The following UACA variants were observed in gnomAD, a reference collection of about 807,000 sequenced individuals.
UACA encodes the protein nuclear membrane binding protein.
A neutral mutation model predicts 160.5 loss-of-function variants in UACA; 112 were observed. That is an observed-to-expected ratio of 0.70 (90% CI 0.60 to 0.82). The LOEUF is 0.82. Ranked by LOEUF, UACA falls within the 40% of genes least tolerant of loss-of-function variation. The pLI, the probability that UACA is intolerant of heterozygous loss-of-function variation, is 0.00. For synonymous variants in UACA, 557 were observed against 568.4 expected, an observed-to-expected ratio of 0.98 and a Z score of 0.29; for missense variants, 1,574 against 1,614.6, an observed-to-expected ratio of 0.97 and a Z score of 0.43.
chr15:70,728,686 G>A (rs1899224764), intron 1 of UACA, among the ~76,000 whole-genome samples: 1 of 151,516 alleles, frequency 6.6e-6, no homozygotes. Flanking sequence ...AGCGAAAATT[G>A]AAAAGTGGGA....
intron 18 of UACA, among the ~76,000 whole-genome samples, chr15:70,657,582 G>A (rs201848786): frequency 2.6e-5 from 4 of 150,988 alleles, no homozygotes; most frequent in Non-Finnish European, 5.9e-5. Context: ...GTGACATGGC[G>A]AGACCCCATC....
At chr15:70,741,070 G>C (rs574715862) in intron 1 of UACA, among the ~76,000 whole-genome samples, 1 of 151,976 alleles carries the variant, frequency 6.6e-6, no homozygotes, top group Non-Finnish European at 1.5e-5. Flanking sequence ...AAATAAAAAG[G>C]GGGGGCTGGG....
intron 1 of UACA, among the ~76,000 whole-genome samples, chr15:70,710,090 C>G (rs1898637472): frequency 6.6e-6 from 1 of 152,028 alleles, no homozygotes; most frequent in South Asian, 2.1e-4. Context: ...AACCCTCTCT[C>G]TACAAAAAAT....
At chr15:70,662,705 C>T (rs978233662) in intron 17 of UACA, among the ~76,000 whole-genome samples, 8 of 152,116 alleles carry the variant, frequency 5.3e-5, no homozygotes, top group African/African-American at 7.2e-5. Context: ...AGAAATAATG[C>T]CACATATCTA....
chr15:70,763,464 C>A lies in UACA; in HGVS notation c.-57G>T. ...TTAAAGGCTGCGGAGTGCCAGCGCG[C>A]AAGGAGTAGACGGCAGCGGCTGCAG... On this transcript the variant is annotated 5_prime_UTR_variant, in exon 1 of 19. Transcript: ENST00000322954. The A allele has an allele frequency of 3.9e-6, 5 of 1,274,476 alleles. No homozygotes were observed. Among genetic ancestry groups the A allele is most frequent in the Non-Finnish European group, 5.0e-6 (5 of 1,001,754 alleles). 78.9% of individuals were successfully genotyped at this position (1,274,476 alleles called of 1,614,324 possible).
At chr15:70,750,969 A>C (rs2030016639) in intron 1 of UACA, among the ~76,000 whole-genome samples, 1 of 152,260 alleles carries the variant, frequency 6.6e-6, no homozygotes, top group Admixed American at 6.5e-5. Context: ...GTGGTTATAC[A>C]ACAATGTGAA....
Position 70,669,470 on chromosome 15 carries a change from G to GA in UACA, c.1222-9dup, listed in dbSNP as rs537603881. The GA allele has an allele frequency of 0.036, 36,774 of 1,019,366 alleles. 107 individuals are homozygous for GA. The highest frequency in any genetic ancestry group is 0.089 in the African/African-American group (5,046 of 56,994). The allele number at this position is 1,019,366 out of a possible 1,614,324, so 63.1% of individuals were successfully genotyped here. Reference sequence around the variant, plus strand: ...TATACCTGGGGAAGTACACTGAAAAGAAAAAAAAAAAGACATCAATCACAA... The same window carrying GA: ...TATACCTGGGGAAGTACACTGAAAAGAAAAAAAAAAAAGACATCAATCACAA... On this transcript the variant is annotated splice_polypyrimidine_tract_variant and intron_variant, in intron 15 of 18. Coordinates refer to ENST00000322954, the MANE Select transcript of UACA (RefSeq NM_018003.4).
the UACA span, among the ~76,000 whole-genome samples, chr15:70,772,352 G>T: frequency 1.3e-5 from 2 of 151,958 alleles, no homozygotes; most frequent in African/African-American, 4.8e-5. Context: ...AATTAGCCAG[G>T]CGTGGTGGTG....
At chr15:70,750,889 A>C (rs2030011750) in intron 1 of UACA, among the ~76,000 whole-genome samples, 1 of 152,202 alleles carries the variant, frequency 6.6e-6, no homozygotes, top group South Asian at 2.1e-4. Context: ...AGTAGGTGGA[A>C]AGCAGTTGCT....
At chr15:70,699,408 G>A in intron 2 of UACA, 119 bp downstream of exon 2, 2 of 1,104,804 alleles carry the variant, frequency 1.8e-6, no homozygotes, top group Non-Finnish European at 2.6e-6. Flanking sequence ...ATTTTATAGT[G>A]CAGGTTTTGG....
chr15:70,712,057 T>C (rs539507752), intron 1 of UACA, among the ~76,000 whole-genome samples: 1 of 149,956 alleles, frequency 6.7e-6, no homozygotes, highest in East Asian at 1.9e-4. Flanking sequence ...CAGGCATATA[T>C]ATATATATAT....
At chr15:70,694,972 T>C in intron 3 of UACA, 45 bp downstream of exon 3, 1 of 1,448,882 alleles carries the variant, frequency 6.9e-7, no homozygotes, top group Non-Finnish European at 9.6e-7. Context: ...GGACAATGTT[T>C]GTTTTCACTT....
At chr15:70,705,166 C>T (rs1472975272) in intron 1 of UACA, among the ~76,000 whole-genome samples, 1 of 152,138 alleles carries the variant, frequency 6.6e-6, no homozygotes, top group Non-Finnish European at 1.5e-5. Flanking sequence ...TATAGAAGTA[C>T]AGAGTCCTTC....
intron 12 of UACA, 141 bp from the exon 13 acceptor site, chr15:70,676,732 A>G (rs1595880631): frequency 1.6e-6 from 1 of 612,130 alleles, no homozygotes; most frequent in East Asian, 2.8e-5. Context: ...TTAACTACTA[A>G]TAGAGTTGAT....
rs184898355 is a variant in UACA at position 70,662,843 on chromosome 15, C to T, written c.4113+1819G>A. Among the ~76,000 whole-genome samples the T allele has an allele frequency of 5.7e-3, 871 of 152,178 alleles. 30 individuals carry two copies. The highest frequency in any genetic ancestry group is 0.05 in the Admixed American group (759 of 15,294). ...GCTGAAACTGGATCCCTTCCTTACA[C>T]CTTATACAAAAATTAATTCAAGATG... On this transcript the variant is annotated intron_variant, in intron 17 of 18. Transcript: ENST00000322954.
At chr15:70,736,605 T>A (rs776856391) in intron 1 of UACA, among the ~76,000 whole-genome samples, 22 of 152,046 alleles carry the variant, frequency 1.4e-4, no homozygotes, top group East Asian at 5.8e-4. Context: ...CGGCTATTTT[T>A]TATATATATA....
chr15:70,773,558 A>T, the UACA span, among the ~76,000 whole-genome samples: 2 of 152,156 alleles, frequency 1.3e-5, no homozygotes, highest in African/African-American at 4.8e-5. Context: ...AGGGGATTTG[A>T]TCCCTCAGTT....
At chr15:70,695,917 A>C (rs1898110390) in intron 2 of UACA, among the ~76,000 whole-genome samples, 1 of 152,238 alleles carries the variant, frequency 6.6e-6, no homozygotes, top group South Asian at 2.1e-4. Flanking sequence ...CTGTAAATCT[A>C]TGAATTATGC....
At chr15:70,717,996 C>T (rs899555266) in intron 1 of UACA, among the ~76,000 whole-genome samples, 1 of 151,202 alleles carries the variant, frequency 6.6e-6, no homozygotes, top group Non-Finnish European at 1.5e-5. Flanking sequence ...ACCATAATCA[C>T]ATCAGCCAAT....
Sources: allele counts gnomAD v4.1 joint callset (sites outside exome capture counted in the v4.1 genomes callset), GRCh38; gene constraint gnomAD v4.1.1; transcripts MANE v1.5; gene names NCBI Gene and HGNC (gene_info 2026-07-23, HGNC 2026-07-21).